SPAG17: variants seen among roughly 807,000 people sequenced by gnomAD.
SPAG17 encodes sperm associated antigen 17.
In SPAG17, 169 loss-of-function variants were observed where a neutral mutation model predicts 273.6. That is an observed-to-expected ratio of 0.62 (90% CI 0.55 to 0.70). SPAG17 has a LOEUF of 0.70. Ranked by LOEUF, SPAG17 falls within the 30% of genes least tolerant of loss-of-function variation. The probability of loss-of-function intolerance (pLI) is 0.00; values close to 1 mark genes in which losing one functional copy is unlikely to be tolerated. For missense variants in SPAG17, 2,557 were observed against 2,627.8 expected (o/e 0.97, Z 0.59); for synonymous variants, 825 against 873.2 (o/e 0.94, Z 0.97).
chr1:117,962,056 C>T (rs954625008), intron 48 of SPAG17: 3 of 151,480 alleles, frequency 2.0e-5, no homozygotes, highest in Non-Finnish European at 2.9e-5. Flanking sequence ...GAGATGTATA[C>T]ATCATCAATA....
Position 118,081,138 on chromosome 1 carries a change from C to G in SPAG17, c.2172G>C (p.Glu724Asp). ...VPDNRQLLEQ[E>D]SIMKAQPQHE... ...GTTGGGGCTGAGCCTTCATGATGCT[C>G]TCCTGCTCTAACAGCTGTCTATTAT... Residue 724 changes from glutamate to aspartate, a missense_variant, in exon 15 of 49, where the codon GAG becomes GAC. Coordinates refer to ENST00000336338, the MANE Select transcript of SPAG17 (RefSeq NM_206996.4). 1 of 1,614,042 alleles carries G rather than the reference C, an allele frequency of 6.2e-7. No homozygotes were observed. The highest frequency in any genetic ancestry group is 8.5e-7 in the Non-Finnish European group (1 of 1,179,984).
intron 3 of SPAG17, among the ~76,000 whole-genome samples, chr1:118,119,154 T>C (rs1248410631): frequency 2.6e-5 from 4 of 152,206 alleles, no homozygotes; most frequent in Non-Finnish European, 4.4e-5. Context: ...CATTTATACA[T>C]ATATGCATAT....
At chr1:117,961,037 A>G (rs1571060127) in intron 48 of SPAG17, 1 of 152,340 alleles carries the variant, frequency 6.6e-6, no homozygotes, top group Non-Finnish European at 1.5e-5. Context: ...TAATCCCACC[A>G]CTGTGGGAGG....
intron 5 of SPAG17, 62 bp downstream of exon 5, chr1:118,101,678 T>G (rs1475810696): frequency 6.7e-7 from 1 of 1,502,846 alleles, no homozygotes; most frequent in Non-Finnish European, 9.1e-7. Flanking sequence ...TTAACTGGTC[T>G]CATTTTATTG....
intron 37 of SPAG17, among the ~76,000 whole-genome samples, 182 bp downstream of exon 37, chr1:117,991,233 T>TA (rs571241600): frequency 2.9e-3 from 447 of 152,338 alleles, no homozygotes; most frequent in African/African-American, 0.01. Flanking sequence ...ATGAAGAGCC[T>TA]AAAATGTATT....
chr1:118,121,265 G>C (rs141460860), intron 3 of SPAG17, among the ~76,000 whole-genome samples: 1 of 152,166 alleles, frequency 6.6e-6, no homozygotes, highest in African/African-American at 2.4e-5. Flanking sequence ...TCTGTATTGC[G>C]GGAGAGGAGT....
intron 34 of SPAG17, among the ~76,000 whole-genome samples, 162 bp downstream of exon 34, chr1:117,996,208 A>G (rs571609914): frequency 1.3e-5 from 2 of 152,080 alleles, no homozygotes; most frequent in Non-Finnish European, 2.9e-5. Flanking sequence ...ATAAGTTGAC[A>G]TGACTTATTC....
intron 4 of SPAG17, among the ~76,000 whole-genome samples, chr1:118,111,519 T>C (rs1656752273): frequency 6.6e-6 from 1 of 151,382 alleles, no homozygotes; most frequent in Non-Finnish European, 1.5e-5. Flanking sequence ...GCCTGTAATT[T>C]CCTGGTATGT....
intron 1 of SPAG17, among the ~76,000 whole-genome samples, chr1:118,182,546 G>C (rs1360215223): frequency 6.6e-6 from 1 of 152,060 alleles, no homozygotes; most frequent in African/African-American, 2.4e-5. Flanking sequence ...TATAATTTGA[G>C]ATGTGATATT....
chr1:118,049,524 C>A (rs1323890329), intron 20 of SPAG17, among the ~76,000 whole-genome samples: 1 of 152,098 alleles, frequency 6.6e-6, no homozygotes, highest in Non-Finnish European at 1.5e-5. Flanking sequence ...CTCAAATATC[C>A]TTTCATAATA....
chr1:118,125,053 A>G (rs1657635123), intron 3 of SPAG17, among the ~76,000 whole-genome samples: 2 of 151,962 alleles, frequency 1.3e-5, no homozygotes, highest in Non-Finnish European at 2.9e-5. Flanking sequence ...TACCCTTACT[A>G]GTTTTGCTCC....
chr1:118,002,026 TTGTTCTCATTGGTTTCAAAGAACATC>T (rs1658341321), intron 32 of SPAG17, among the ~76,000 whole-genome samples: 1 of 152,242 alleles, frequency 6.6e-6, no homozygotes, highest in African/African-American at 2.4e-5. Context: ...TGTTGTGTCT[TTGTTCTCATTGGTTTCAAAGAACATC>T]TTTATTGCTG....
intron 1 of SPAG17, among the ~76,000 whole-genome samples, chr1:118,182,243 A>G (rs1038900337): frequency 6.6e-6 from 1 of 152,210 alleles, no homozygotes; most frequent in Non-Finnish European, 1.5e-5. Context: ...AAAGTAGTCA[A>G]ATTTGGAGAG....
chr1:118,028,779 G>C (rs755664689), intron 25 of SPAG17, among the ~76,000 whole-genome samples: 2 of 152,140 alleles, frequency 1.3e-5, no homozygotes, highest in Non-Finnish European at 2.9e-5. Flanking sequence ...ATCCAAACTC[G>C]TATGTTGGAA....
intron 1 of SPAG17, among the ~76,000 whole-genome samples, chr1:118,163,908 C>G (rs1660044497): frequency 6.6e-6 from 1 of 152,158 alleles, no homozygotes; most frequent in South Asian, 2.1e-4. Context: ...GTCCTCATTA[C>G]CAGATATGGT....
chr1:117,966,169 G>T (rs1653816973), intron 47 of SPAG17: 1 of 153,546 alleles, frequency 6.5e-6, no homozygotes, highest in Non-Finnish European at 1.4e-5. Context: ...ATTTTATACA[G>T]TACCTTGGAG....
At chr1:117,969,635 A>AAAT (rs1290823224) in intron 46 of SPAG17, among the ~76,000 whole-genome samples, 1 of 152,206 alleles carries the variant, frequency 6.6e-6, no homozygotes, top group African/African-American at 2.4e-5. Flanking sequence ...GTATGGCATT[A>AAAT]AATAATATTC....
Position 118,055,852 on chromosome 1 carries a change from T to C in SPAG17, c.2603A>G (p.Tyr868Cys), listed in dbSNP as rs1349899003. ...TTTCTCATTCATTTTAGATTCCTGA[T>C]ATATAGCTTCTTCTTTTGTAATCCA... ...QDWITKEEAI[Y>C]QESKMNEKII... The change falls in exon 19 of 49, where the codon TAT becomes TGT. Residue 868 changes from tyrosine (Y) to cysteine (C), a missense_variant. Tyr to Cys is a radical substitution (Grantham distance 194, BLOSUM62 -2). Coordinates refer to ENST00000336338, the MANE Select transcript of SPAG17 (RefSeq NM_206996.4). 1 of 1,612,656 alleles carries C rather than the reference T, an allele frequency of 6.2e-7. No homozygotes were observed. Among genetic ancestry groups the C allele is most frequent in the South Asian group, 1.1e-5 (1 of 90,728 alleles).
intron 1 of SPAG17, among the ~76,000 whole-genome samples, chr1:118,179,500 A>G (rs565748048): frequency 2.0e-5 from 3 of 152,060 alleles, no homozygotes; most frequent in Non-Finnish European, 4.4e-5. Context: ...AGAAGAAAAC[A>G]TTGGAGAAAT....
Sources: allele counts gnomAD v4.1 joint callset (sites outside exome capture counted in the v4.1 genomes callset), GRCh38; gene constraint gnomAD v4.1.1; transcripts MANE v1.5; gene names NCBI Gene and HGNC (gene_info 2026-07-23, HGNC 2026-07-21).